KCNQ5: variants seen among roughly 807,000 people sequenced by gnomAD.
KCNQ5 encodes the protein potassium voltage-gated channel subfamily KQT member 5.
KCNQ5 carries 30 observed loss-of-function variants against 98.2 expected under a neutral mutation model. That is an observed-to-expected ratio of 0.31 (90% CI 0.23 to 0.41). KCNQ5 has a LOEUF of 0.41. Among genes scored for constraint, KCNQ5 ranks in the 10% least tolerant of loss-of-function variants. KCNQ5 has a pLI of 1.00. For synonymous variants in KCNQ5, 458 were observed against 449.4 expected, an observed-to-expected ratio of 1.02 and a Z score of -0.24; for missense variants, 835 against 1,182.5, an observed-to-expected ratio of 0.71 and a Z score of 4.31.
intron 2 of KCNQ5, among the ~76,000 whole-genome samples, chr6:73,035,867 C>A (rs146220890): frequency 3.6e-4 from 54 of 152,042 alleles, no homozygotes; most frequent in African/African-American, 1.3e-3. Context: ...TATACTTTAC[C>A]CAATTTCCGC....
intron 1 of KCNQ5, among the ~76,000 whole-genome samples, chr6:72,907,177 G>C (rs1396011648): frequency 2.0e-5 from 3 of 152,134 alleles, no homozygotes; most frequent in Non-Finnish European, 4.4e-5. Flanking sequence ...CCCCCGGAGA[G>C]GAGGGAGAGG....
At chr6:72,649,845 GA>G (rs1765786299) in intron 1 of KCNQ5, among the ~76,000 whole-genome samples, 1 of 152,070 alleles carries the variant, frequency 6.6e-6, no homozygotes, top group Non-Finnish European at 1.5e-5. Context: ...CAGACAACAT[GA>G]ACTTAACACA....
intron 1 of KCNQ5, among the ~76,000 whole-genome samples, chr6:72,764,738 A>G (rs1037238742): frequency 6.6e-5 from 10 of 151,862 alleles, no homozygotes; most frequent in African/African-American, 2.4e-4. Context: ...CCCATTAACC[A>G]TTCCTACTTC....
At chr6:73,110,254 C>T (rs1019952383) in intron 6 of KCNQ5, among the ~76,000 whole-genome samples, 1 of 152,138 alleles carries the variant, frequency 6.6e-6, no homozygotes, top group Admixed American at 6.5e-5. Context: ...CAAGTAAAAT[C>T]CACAGACTTG....
At chr6:72,986,157 C>A (rs1387013306) in intron 1 of KCNQ5, among the ~76,000 whole-genome samples, 3 of 152,016 alleles carry the variant, frequency 2.0e-5, no homozygotes, top group South Asian at 2.1e-4. Flanking sequence ...TTGAACCCAG[C>A]AGGCAGAAGT....
intron 5 of KCNQ5, among the ~76,000 whole-genome samples, chr6:73,084,687 C>T (rs753029095): frequency 3.3e-5 from 5 of 152,226 alleles, no homozygotes; most frequent in Non-Finnish European, 5.9e-5. Context: ...CTCCAAGCCC[C>T]TAAAGATCGC....
intron 1 of KCNQ5, among the ~76,000 whole-genome samples, chr6:72,686,717 G>GTTTTTTTTT (rs1554688157): frequency 2.9e-4 from 28 of 97,472 alleles, no homozygotes; most frequent in East Asian, 1.4e-3. Flanking sequence ...TTTATGGGTT[G>GTTTTTTTTT]TTTTTTTTTT....
intron 9 of KCNQ5, among the ~76,000 whole-genome samples, chr6:73,132,970 G>A (rs1019036393): frequency 4.6e-5 from 7 of 152,220 alleles, no homozygotes; most frequent in Non-Finnish European, 8.8e-5. Context: ...CATGCCAAAT[G>A]TAGGTATATA....
At chr6:73,169,702 A>G in intron 10 of KCNQ5, 44 bp from the exon 11 acceptor site, 1 of 1,370,446 alleles carries the variant, frequency 7.3e-7, no homozygotes. Flanking sequence ...CATGTTTCAA[A>G]TTGCGGATGG....
intron 1 of KCNQ5, among the ~76,000 whole-genome samples, chr6:72,827,048 A>G (rs1362699813): frequency 1.3e-5 from 2 of 152,158 alleles, no homozygotes; most frequent in Non-Finnish European, 2.9e-5. Flanking sequence ...GCTATGAATG[A>G]TAGGAATTCA....
chr6:72,706,422 T>C (rs963205308), intron 1 of KCNQ5, among the ~76,000 whole-genome samples: 1 of 152,022 alleles, frequency 6.6e-6, no homozygotes, highest in Non-Finnish European at 1.5e-5. Context: ...ACTAAAGTAT[T>C]TCTTATGTGA....
chr6:72,998,632 G>T (rs552859964), intron 1 of KCNQ5, among the ~76,000 whole-genome samples: 84 of 152,074 alleles, frequency 5.5e-4, no homozygotes, highest in African/African-American at 2.0e-3. Context: ...AGCTACTCAG[G>T]AGGCTGAGGC....
chr6:72,847,717 A>AT (rs1296298260), intron 1 of KCNQ5, among the ~76,000 whole-genome samples: 10 of 152,178 alleles, frequency 6.6e-5, no homozygotes, highest in Admixed American at 3.3e-4. Flanking sequence ...GCAGCTTGCC[A>AT]TTATGTATAT....
At chr6:72,875,452 A>G (rs1778370515) in intron 1 of KCNQ5, among the ~76,000 whole-genome samples, 1 of 152,210 alleles carries the variant, frequency 6.6e-6, no homozygotes, top group African/African-American at 2.4e-5. Flanking sequence ...TGGAAACAAC[A>G]TATTTCATCA....
intron 1 of KCNQ5, among the ~76,000 whole-genome samples, chr6:72,851,487 G>A (rs1300147071): frequency 6.6e-6 from 1 of 151,896 alleles, no homozygotes; most frequent in Non-Finnish European, 1.5e-5. Context: ...TAGTTTTCTG[G>A]GTAAAGCTTT....
intron 1 of KCNQ5, among the ~76,000 whole-genome samples, chr6:72,772,990 G>C (rs9359007): frequency 0.61 from 92,324 of 151,934 alleles, 28,150 homozygotes; most frequent in Admixed American, 0.65. Flanking sequence ...GCTTTTGTTT[G>C]CATGTCACGG....
At chr6:72,846,518 A>G (rs1296087936) in intron 1 of KCNQ5, among the ~76,000 whole-genome samples, 2 of 149,840 alleles carry the variant, frequency 1.3e-5, no homozygotes, top group African/African-American at 2.5e-5. Flanking sequence ...TACAGGGGAA[A>G]AAAAAAAAAA....
At chr6:73,100,747 G>C (rs1774740432) in intron 5 of KCNQ5, among the ~76,000 whole-genome samples, 1 of 151,366 alleles carries the variant, frequency 6.6e-6, no homozygotes, top group South Asian at 2.1e-4. Flanking sequence ...AACTTAGCCA[G>C]ACTAAGAAAA....
chr6:72,769,625 G>A (rs920591996), intron 1 of KCNQ5, among the ~76,000 whole-genome samples: 2 of 151,942 alleles, frequency 1.3e-5, no homozygotes, highest in South Asian at 4.1e-4. Flanking sequence ...GAAATGCACA[G>A]AACTGCCTCA....
Sources: gnomAD v4.1 joint callset for allele counts (sites outside exome capture counted in the v4.1 genomes callset) on GRCh38, gnomAD v4.1.1 for gene constraint, MANE v1.5 for transcripts, NCBI Gene and HGNC (gene_info 2026-07-23, HGNC 2026-07-21) for gene names.